SEPHS1: variants seen among roughly 807,000 people sequenced by gnomAD.
SEPHS1 encodes the protein selenophosphate synthetase 1.
A neutral mutation model predicts 39.2 loss-of-function variants in SEPHS1; 7 were observed. That is an observed-to-expected ratio of 0.18 (90% CI 0.10 to 0.34). SEPHS1 has a LOEUF of 0.34. Ranked by LOEUF, SEPHS1 falls within the 10% of genes least tolerant of loss-of-function variation. SEPHS1 has a pLI of 1.00. For missense variants in SEPHS1, 253 were observed against 514.5 expected, an observed-to-expected ratio of 0.49 and a Z score of 4.92; for synonymous variants, 190 against 195.5, an observed-to-expected ratio of 0.97 and a Z score of 0.23.
At chr10:13,347,093 C>T (rs1833944139) in intron 1 of SEPHS1, among the ~76,000 whole-genome samples, 1 of 152,188 alleles carries the variant, frequency 6.6e-6, no homozygotes, top group African/African-American at 2.4e-5. Context: ...TGCCCGGCGA[C>T]CCCGCAGCCA....
At chr10:13,331,644 A>G (rs1216523141) in intron 5 of SEPHS1, among the ~76,000 whole-genome samples, 2 of 152,218 alleles carry the variant, frequency 1.3e-5, no homozygotes, top group African/African-American at 4.8e-5. Context: ...TGGCTTCCCA[A>G]AGTGCTGGGA....
At chr10:13,320,326 C>G (rs1388995482) in intron 8 of SEPHS1, among the ~76,000 whole-genome samples, 1 of 151,628 alleles carries the variant, frequency 6.6e-6, no homozygotes, top group Admixed American at 6.6e-5. Context: ...GGACTACAGG[C>G]GCCCGCCACC....
At chr10:13,338,503 T>C (rs912315129) in intron 3 of SEPHS1, among the ~76,000 whole-genome samples, 4 of 152,204 alleles carry the variant, frequency 2.6e-5, no homozygotes. Flanking sequence ...TCCTCCCTAA[T>C]TGCTTTATGC....
intron 4 of SEPHS1, 82 bp downstream of exon 4, chr10:13,336,161 G>T: frequency 1.1e-6 from 1 of 939,162 alleles, no homozygotes; most frequent in South Asian, 1.5e-5. Flanking sequence ...TCGCTTTCTA[G>T]ATGGGAAACC....
intron 7 of SEPHS1, among the ~76,000 whole-genome samples, chr10:13,325,866 C>A (rs1182912157): frequency 1.6e-5 from 2 of 124,444 alleles, no homozygotes; most frequent in Non-Finnish European, 3.2e-5. Context: ...CCACTGCACT[C>A]CAGCCTGGGC....
intron 1 of SEPHS1, among the ~76,000 whole-genome samples, chr10:13,346,413 G>C (rs1365393324): frequency 1.3e-5 from 2 of 152,046 alleles, no homozygotes; most frequent in East Asian, 3.8e-4. Flanking sequence ...TAAATCTCAC[G>C]AAGCCCGAGT....
chr10:13,335,913 G>A (rs1833615709), intron 4 of SEPHS1, among the ~76,000 whole-genome samples: 1 of 150,732 alleles, frequency 6.6e-6, no homozygotes, highest in South Asian at 2.1e-4. Context: ...CCGGGAGGCG[G>A]AGGTTGCAGT....
Position 13,318,170 on chromosome 10 carries a change from G to A in SEPHS1, c.*972C>T, listed in dbSNP as rs2650. 1 of 152,502 alleles carries A rather than the reference G, an allele frequency of 6.6e-6. No homozygotes were observed. Among genetic ancestry groups the A allele is most frequent in the African/African-American group, 2.4e-5 (1 of 41,430 alleles). The allele number at this position is 152,502 out of a possible 1,614,324, so 9.4% of individuals were successfully genotyped here. A position where few individuals can be genotyped will look rare whatever the true frequency, so the allele number is the denominator to read the frequency against. ...GTTTTTAACACAGATCACAAAAAGC[G>A]TGCACAAAAAAGTACTGGCGCAAAG... On this transcript the variant is annotated 3_prime_UTR_variant, in exon 9 of 9. Coordinates refer to ENST00000327347, the MANE Select transcript of SEPHS1 (RefSeq NM_012247.5).
At chr10:13,340,369 T>C (rs1833749455) in intron 2 of SEPHS1, among the ~76,000 whole-genome samples, 1 of 151,904 alleles carries the variant, frequency 6.6e-6, no homozygotes, top group Non-Finnish European at 1.5e-5. Context: ...ACTGGATCAG[T>C]TTTCATCTGT....
intron 2 of SEPHS1, among the ~76,000 whole-genome samples, chr10:13,341,597 G>A (rs746239927): frequency 6.6e-6 from 1 of 152,016 alleles, no homozygotes; most frequent in Non-Finnish European, 1.5e-5. Flanking sequence ...AAGCTGTTTT[G>A]GTTAACCCTT....
chr10:13,322,968 G>A lies in SEPHS1; in HGVS notation c.831C>T (p.Asn277=), dbSNP rs896140224. The A allele has an allele frequency of 6.8e-6, 11 of 1,614,002 alleles. No individual in the cohort carries two copies. The African/African-American group carries it at 1.2e-4, about 18-fold the overall frequency. The stretch of plus-strand genomic sequence containing the variant: ...CCTCGTTCCTCTGCTGCTTGGCCAG[G>A]TTCTGCGCATGGCCCAAAATCCCGA... ...TGFGILGHAQ[N]LAKQQRNEVS... The change falls in exon 8 of 9, where the codon AAC becomes AAT. Residue 277 remains asparagine (N), a synonymous_variant. Transcript: ENST00000327347.
chr10:13,328,592 G>C (rs1833374856), intron 6 of SEPHS1, 142 bp from the exon 7 acceptor site: 2 of 635,144 alleles, frequency 3.1e-6, no homozygotes, highest in Non-Finnish European at 5.5e-6. Context: ...TCCAACTCTG[G>C]TTTTTCTGTG....
intron 5 of SEPHS1, among the ~76,000 whole-genome samples, chr10:13,332,163 C>T (rs1290354442): frequency 6.6e-6 from 1 of 152,210 alleles, no homozygotes; most frequent in African/African-American, 2.4e-5. Context: ...AAAGCAGGGT[C>T]CATCCATGCA....
intron 2 of SEPHS1, among the ~76,000 whole-genome samples, chr10:13,342,117 A>AAAT (rs2130694343): frequency 6.6e-6 from 1 of 151,542 alleles, no homozygotes; most frequent in South Asian, 2.1e-4. Context: ...AATACAAAAA[A>AAAT]TTAGCCAGGC....
chr10:13,344,219 A>G (rs1833868601), intron 2 of SEPHS1, among the ~76,000 whole-genome samples: 1 of 152,162 alleles, frequency 6.6e-6, no homozygotes, highest in South Asian at 2.1e-4. Flanking sequence ...CAAGAACCCT[A>G]AGGCTGGAAC....
chr10:13,335,397 G>A (rs1247141583), intron 4 of SEPHS1, among the ~76,000 whole-genome samples: 3 of 152,206 alleles, frequency 2.0e-5, no homozygotes, highest in African/African-American at 4.8e-5. Context: ...CGGGCACGGT[G>A]GCTCATGCCT....
chr10:13,319,148 G>C lies in SEPHS1; in HGVS notation c.1173C>G (p.Thr391=), dbSNP rs1376955585. The change falls in exon 9 of 9, where the codon ACC becomes ACG. Residue 391 remains threonine, a synonymous_variant. Transcript: ENST00000327347. ...TQNVNPTPGA[T]S is the part of the protein sequence containing the mutation. Reference sequence around the variant, plus strand: ...ACAGCTATTTCTGTCTAGATTAAGAGGTGGCCCCGGGTGTGGGATTCACAT... The same window carrying C: ...ACAGCTATTTCTGTCTAGATTAAGACGTGGCCCCGGGTGTGGGATTCACAT... 2 of 1,612,188 alleles carry C rather than the reference G, an allele frequency of 1.2e-6. No homozygotes were observed. Among genetic ancestry groups the C allele is most frequent in the Non-Finnish European group, 1.7e-6 (2 of 1,179,438 alleles).
intron 5 of SEPHS1, among the ~76,000 whole-genome samples, chr10:13,331,481 G>A (rs551426671): frequency 6.6e-6 from 1 of 152,210 alleles, no homozygotes; most frequent in African/African-American, 2.4e-5. Flanking sequence ...CGCCTCCTGG[G>A]TTCAAACCAC....
At chr10:13,322,707 G>A (rs568636075) in intron 8 of SEPHS1, 128 bp downstream of exon 8, 24 of 825,134 alleles carry the variant, frequency 2.9e-5, no homozygotes, top group East Asian at 8.0e-5. Context: ...CAGCTGCTGC[G>A]GAGGCCGAGG....
Sources: allele counts gnomAD v4.1 joint callset (sites outside exome capture counted in the v4.1 genomes callset), GRCh38; gene constraint gnomAD v4.1.1; transcripts MANE v1.5; gene names NCBI Gene and HGNC (gene_info 2026-07-23, HGNC 2026-07-21).